The following ZBTB21 variants were observed in gnomAD, a reference collection of about 807,000 sequenced individuals.
ZBTB21 encodes zinc finger and BTB domain-containing protein 21.
A neutral mutation model predicts 39.8 loss-of-function variants in ZBTB21; 10 were observed. That is an observed-to-expected ratio of 0.25 (90% confidence interval 0.16 to 0.43). The LOEUF is 0.43. ZBTB21 is among the 20% of genes least tolerant of loss of function. ZBTB21 has a pLI of 1.00. For synonymous variants in ZBTB21, 551 were observed against 498.8 expected (o/e 1.10, Z -1.40); for missense variants, 1,221 against 1,296.3 (o/e 0.94, Z 0.89).
chr21:42,003,555 A>G (rs1235471254), intron 1 of ZBTB21, among the ~76,000 whole-genome samples: 1 of 152,176 alleles, frequency 6.6e-6, no homozygotes, highest in African/African-American at 2.4e-5. Context: ...TCCTTTGACA[A>G]TTATAATACA....
chr21:41,990,675 T>C lies in ZBTB21; in HGVS notation c.*220A>G, dbSNP rs1389882433. The C allele has an allele frequency of 2.7e-6, 1 of 376,030 alleles. No individual in the cohort carries two copies. Among genetic ancestry groups the C allele is most frequent in the Non-Finnish European group, 4.6e-6 (1 of 216,144 alleles). The allele number at this position is 376,030 out of a possible 1,614,324, so 23.3% of individuals were successfully genotyped here. ...CAACATTAATGAAATCAAACCATCT[T>C]GTTCTTGTAAGGTCCAGAACCACAA... On this transcript the variant is annotated 3_prime_UTR_variant, in exon 3 of 3. Transcript: ENST00000310826.
chr21:41,988,506 ACTT>A lies in ZBTB21; in HGVS notation c.*2386_*2388del, dbSNP rs1213952673. On this transcript the variant is annotated 3_prime_UTR_variant, in exon 3 of 3. Transcript: ENST00000310826. ...TAATTAACATATCTTTCATTATTTT[ACTT>A]CTTAACATTTAAAATAGTTACATGA... 2.6e-5 allele frequency: 4 copies of A among 152,346 alleles called. No homozygotes were observed. The highest frequency in any genetic ancestry group is 6.5e-5 in the Admixed American group (1 of 15,296). 9.4% of individuals were successfully genotyped at this position (152,346 alleles called of 1,614,324 possible).
At chr21:41,996,239 TCA>T (rs2065744897) in intron 2 of ZBTB21, among the ~76,000 whole-genome samples, 1 of 152,116 alleles carries the variant, frequency 6.6e-6, no homozygotes, top group Non-Finnish European at 1.5e-5. Context: ...CCTGCAAAAC[TCA>T]CAGACACTCA....
chr21:42,009,329 T>C (rs1246323113), intron 1 of ZBTB21: 1 of 151,838 alleles, frequency 6.6e-6, no homozygotes, highest in African/African-American at 2.4e-5. Context: ...TGTGCTGGGA[T>C]GGAAAAGCAG....
rs2065585501 is a variant in ZBTB21 at position 41,986,865 on chromosome 21, A to T, written c.*4030T>A. On this transcript the variant is annotated 3_prime_UTR_variant, in exon 3 of 3. Coordinates refer to ENST00000310826, the MANE Select transcript of ZBTB21 (RefSeq NM_001098402.2). ...AATACAGTACAAATTTATTGACTCC[A>T]ATCATTCTTAGTCAACATTTAAGCA... 6.6e-6 allele frequency: 1 copy of T among 152,654 alleles called. No individual in the cohort carries two copies. The highest frequency in any genetic ancestry group is 2.4e-5 in the African/African-American group (1 of 41,476). The allele number at this position is 152,654 out of a possible 1,614,324, so 9.5% of individuals were successfully genotyped here.
At chr21:42,003,212 C>T (rs185301952) in intron 1 of ZBTB21, among the ~76,000 whole-genome samples, 7 of 152,216 alleles carry the variant, frequency 4.6e-5, no homozygotes, top group East Asian at 3.8e-4. Context: ...AGCCCCAGTA[C>T]GTTCAGCACT....
intron 2 of ZBTB21, among the ~76,000 whole-genome samples, chr21:42,001,519 T>C (rs2065817551): frequency 6.6e-6 from 1 of 152,230 alleles, no homozygotes. Flanking sequence ...ACAGGATGTT[T>C]GCAGAGGTAG....
At position 41,992,915 on chromosome 21, in the gene ZBTB21, G is replaced by A; in HGVS notation, c.1181C>T (p.Ala394Val). Reference sequence around the variant, plus strand: ...TAGCACTTGAGGCCTGTCATCTAGGGCTGTTTTTTCACTACAATCTTTTAA... The same window carrying A: ...TAGCACTTGAGGCCTGTCATCTAGGACTGTTTTTTCACTACAATCTTTTAA... ...SSLKDCSEKT[A>V]LDDRPQVLQP... The change falls in exon 3 of 3, where the codon GCC becomes GTC. Residue 394 changes from alanine (A) to valine (V), a missense_variant. By Grantham distance (64) the Ala-to-Val change is moderately conservative (BLOSUM62 0). Transcript: ENST00000310826. The surrounding 1 kb of genome is among the most constrained non-coding windows in gnomAD (Gnocchi z 4.1). 2.5e-6 allele frequency: 4 copies of A among 1,614,194 alleles called. No individual in the cohort carries two copies. The highest frequency in any genetic ancestry group is 3.4e-6 in the Non-Finnish European group (4 of 1,180,046).
At chr21:42,008,342 CAAAAAAAAAAAAA>C (rs767411984) in intron 1 of ZBTB21, among the ~76,000 whole-genome samples, 2 of 54,296 alleles carry the variant, frequency 3.7e-5, no homozygotes, top group Admixed American at 2.8e-4. Context: ...CCCGTCTCTA[CAAAAAAAAAAAAA>C]AAAAAAAAAA....
rs892546745 is a variant in ZBTB21, at chr21:41,987,999, C to T, written c.*2896G>A. ...TTCCAAACCAGAAAACCAAGAACAT[C>T]ACACATCTCCCCACAAATGCAAAGA... On this transcript the variant is annotated 3_prime_UTR_variant, in exon 3 of 3. Transcript: ENST00000310826. The T allele has an allele frequency of 2.6e-4, 39 of 152,302 alleles. 1 individual carries two copies. The highest frequency in any genetic ancestry group is 9.1e-4 in the African/African-American group (38 of 41,576). The allele number at this position is 152,302 out of a possible 1,614,324, so 9.4% of individuals were successfully genotyped here.
At chr21:42,006,990 T>A (rs1291956122) in intron 1 of ZBTB21, among the ~76,000 whole-genome samples, 1 of 152,216 alleles carries the variant, frequency 6.6e-6, no homozygotes, top group African/African-American at 2.4e-5. Flanking sequence ...ATCTGTTGAG[T>A]CATCCAGTCT....
intron 1 of ZBTB21, among the ~76,000 whole-genome samples, chr21:42,008,342 CAAAAAAAAA>C (rs767411984): frequency 1.3e-4 from 7 of 54,296 alleles, no homozygotes; most frequent in African/African-American, 3.0e-4. Flanking sequence ...CCCGTCTCTA[CAAAAAAAAA>C]AAAAAAAAAA....
In ZBTB21 at chr21:41,993,072, G is replaced by T. The variant is rs750124231; in HGVS notation, c.1024C>A (p.Arg342=). Residue 342 remains arginine, a synonymous_variant, in exon 3 of 3, where the codon CGG becomes AGG. Coordinates refer to ENST00000310826, the MANE Select transcript of ZBTB21 (RefSeq NM_001098402.2). ...ACCTGGCTATCCATCGACAATGACC[G>T]TCTGAGGAGACTCTTAACAAGTGGG... The part of the protein sequence containing the change: ...SGPLVKSLLR[R]SLSMDSQVPV... 12 of 1,614,214 alleles carry T rather than the reference G, an allele frequency of 7.4e-6. No individual in the cohort carries two copies. In the South Asian group the frequency reaches 9.9e-5, roughly 13 times the overall value.
chr21:41,993,181 TC>T lies in ZBTB21; in HGVS notation c.914del (p.Arg305LysfsTer9). On this transcript the variant is annotated frameshift_variant, in exon 3 of 3. Coordinates refer to ENST00000310826, the MANE Select transcript of ZBTB21 (RefSeq NM_001098402.2). LOFTEE classifies it high-confidence loss of function. ...TNKGNGQGED[R>X]NLLYYSKLGL... ...CTAACTTTGAATAGTACAACAAGTTTCTATCTTCACCTTGACCATTTCCTTT... is the reference window on the plus strand; with the variant it reads ...CTAACTTTGAATAGTACAACAAGTTTTATCTTCACCTTGACCATTTCCTTT... The T allele has an allele frequency of 6.2e-7, 1 of 1,613,640 alleles. No individual in the cohort carries two copies. Among genetic ancestry groups the T allele is most frequent in the Non-Finnish European group, 8.5e-7 (1 of 1,180,020 alleles).
intron 1 of ZBTB21, among the ~76,000 whole-genome samples, chr21:42,006,796 C>G (rs1001005770): frequency 6.6e-6 from 1 of 152,134 alleles, no homozygotes; most frequent in Non-Finnish European, 1.5e-5. Context: ...TTTAGGGTGA[C>G]CCCTAAACTG....
intron 2 of ZBTB21, among the ~76,000 whole-genome samples, chr21:41,999,773 G>T (rs2065795791): frequency 6.6e-6 from 1 of 152,198 alleles, no homozygotes; most frequent in African/African-American, 2.4e-5. Flanking sequence ...GGCAACAGGA[G>T]GGATGGAGCA....
chr21:41,993,189 C>G lies in ZBTB21; in HGVS notation c.907G>C (p.Glu303Gln), dbSNP rs2065693997. The G allele has an allele frequency of 1.2e-6, 2 of 1,613,282 alleles. No homozygotes were observed. The highest frequency in any genetic ancestry group is 2.2e-5 in the South Asian group (2 of 91,092). Residue 303 changes from glutamate (E) to glutamine (Q), a missense_variant, in exon 3 of 3, where the codon GAA becomes CAA. Glu to Gln is a conservative substitution (Grantham distance 29). Around this residue, in one of 4 missense-constraint regions of ZBTB21, gnomAD observed 500 missense variants for 465.6 expected, o/e 1.07. Coordinates refer to ENST00000310826, the MANE Select transcript of ZBTB21 (RefSeq NM_001098402.2). ...KETNKGNGQG[E>Q]DRNLLYYSKL... The stretch of plus-strand genomic sequence containing the variant: ...GAATAGTACAACAAGTTTCTATCTT[C>G]ACCTTGACCATTTCCTTTGTTAGTT...
rs1221087736 is a variant in ZBTB21, at chr21:41,991,868, A to G, written c.2228T>C (p.Leu743Pro). The change falls in exon 3 of 3, where the codon CTG becomes CCG. Residue 743 changes from leucine (L) to proline (P), a missense_variant. Around this residue, in one of 4 missense-constraint regions of ZBTB21, gnomAD observed 523 missense variants for 542.5 expected, o/e 0.96. Coordinates refer to ENST00000310826, the MANE Select transcript of ZBTB21 (RefSeq NM_001098402.2). The surrounding 1 kb of genome is among the most constrained non-coding windows in gnomAD (Gnocchi z 4.9). ...SLLEQGSHER[L>P]CRNAAVCPYC... ...AGGGCAGACGGCCGCGTTCCGGCAC[A>G]GCCGCTCGTGGCTTCCTTGCTCTAG... The G allele has an allele frequency of 5.6e-6, 9 of 1,614,226 alleles. No homozygotes were observed. The highest frequency in any genetic ancestry group is 7.6e-6 in the Non-Finnish European group (9 of 1,180,050).
At position 41,991,505 on chromosome 21, in the gene ZBTB21, A is replaced by G. The variant is rs778937065; in HGVS notation, c.2591T>C (p.Leu864Pro). ...CTTGGAAAGACTAAGGTCTTCGGGA[A>G]GACAAGAGGAATCTTCCGAGTCGAA... ...VNFDSEDSSC[L>P]PEDLSLSKQL... The change falls in exon 3 of 3, where the codon CTT becomes CCT. Residue 864 changes from leucine (L) to proline (P), a missense_variant. Leu to Pro is a moderately conservative substitution (Grantham distance 98, BLOSUM62 -3). Transcript: ENST00000310826. This position sits in a 1 kb window ranked among gnomAD's most constrained non-coding sequence, Gnocchi z 4.9. 3.1e-6 allele frequency: 5 copies of G among 1,614,102 alleles called. No homozygotes were observed. The South Asian group carries it at 5.5e-5, about 18-fold the overall frequency.
Sources: gnomAD v4.1 joint callset for allele counts (sites outside exome capture counted in the v4.1 genomes callset) on GRCh38, gnomAD v4.1.1 for gene constraint, gnomAD v4.1.1 regional missense constraint, Gnocchi (gnomAD v3.1) non-coding constraint, MANE v1.5 for transcripts, NCBI Gene and HGNC (gene_info 2026-07-23, HGNC 2026-07-21) for gene names.